ERGIC1: variants seen among roughly 807,000 people sequenced by gnomAD.
The protein encoded by ERGIC1 is endoplasmic reticulum-Golgi intermediate compartment protein 1.
A neutral mutation model predicts 38.3 loss-of-function variants in ERGIC1; 19 were observed. The observed-to-expected ratio is 0.50, with a 90% CI of 0.35 to 0.73. The LOEUF (loss-of-function observed/expected upper bound fraction) is 0.73. Ranked by LOEUF, ERGIC1 falls within the 30% of genes least tolerant of loss-of-function variation. The pLI is 0.01. For missense variants in ERGIC1, 294 were observed against 389.2 expected (o/e 0.76, Z 2.06); for synonymous variants, 124 against 157.6 (o/e 0.79, Z 1.60).
At chr5:172,835,369 C>G (rs1281801644) in intron 1 of ERGIC1, among the ~76,000 whole-genome samples, 4 of 152,222 alleles carry the variant, frequency 2.6e-5, no homozygotes, top group Non-Finnish European at 5.9e-5. Context: ...CCTGTCGCCG[C>G]TCGGCTGGCT....
intron 1 of ERGIC1, among the ~76,000 whole-genome samples, chr5:172,871,426 T>C (rs941953335): frequency 2.6e-5 from 4 of 152,260 alleles, no homozygotes. Context: ...TTGCATGTCA[T>C]GATCTCCTTG....
chr5:172,891,531 C>T (rs556962644), intron 2 of ERGIC1, among the ~76,000 whole-genome samples: 89 of 151,558 alleles, frequency 5.9e-4, no homozygotes, highest in African/African-American at 1.9e-3. Context: ...TTCTGCCTCC[C>T]GGGTTCAAGC....
chr5:172,914,690 G>A lies in ERGIC1; in HGVS notation c.251-24G>A, dbSNP rs1049264905. 7.4e-6 allele frequency: 12 copies of A among 1,613,810 alleles called. No individual in the cohort carries two copies. In the African/African-American group the frequency reaches 1.3e-4, roughly 18 times the overall value. ...CTCCCGCGTCTCTGGGTTTGTGACT[G>A]TTGTCTCCCTTTGGCTCCTGCAGTG... On this transcript the variant is annotated intron_variant, in intron 4 of 9. Coordinates refer to ENST00000393784, the MANE Select transcript of ERGIC1 (RefSeq NM_001031711.3).
intron 3 of ERGIC1, chr5:172,898,719 G>A (rs1415513269): frequency 6.6e-6 from 1 of 152,170 alleles, no homozygotes; most frequent in African/African-American, 2.4e-5. Flanking sequence ...GAGTAGACCA[G>A]AGTCAGAGCT....
At position 172,911,948 on chromosome 5, in the gene ERGIC1, C is replaced by T. The variant is rs147669517; in HGVS notation, c.250+2187C>T. Among the ~76,000 whole-genome samples the T allele has an allele frequency of 5.8e-4, 88 of 152,224 alleles. 1 individual carries two copies. The highest frequency in any genetic ancestry group is 2.0e-3 in the African/African-American group (85 of 41,534). ...CTGCTAGCAGGTGGGGCCCCCGTTC[C>T]CTACCCCTACATGTGTGTGCGTGTC... On this transcript the variant is annotated intron_variant, in intron 4 of 9. Coordinates refer to ENST00000393784, the MANE Select transcript of ERGIC1 (RefSeq NM_001031711.3).
intron 3 of ERGIC1, among the ~76,000 whole-genome samples, chr5:172,908,311 G>GT (rs1368536476): frequency 6.3e-5 from 2 of 31,716 alleles, no homozygotes; most frequent in Admixed American, 5.0e-4. Flanking sequence ...GGGGGCGGGG[G>GT]GGGGGGGAGA....
chr5:172,917,999 A>G (rs2113425457), intron 5 of ERGIC1: 1 of 152,322 alleles, frequency 6.6e-6, no homozygotes, highest in South Asian at 2.1e-4. Flanking sequence ...CCCTGTACCT[A>G]CAAAAAAATA....
chr5:172,906,021 C>T (rs1360106732), intron 3 of ERGIC1: 1 of 455,776 alleles, frequency 2.2e-6, no homozygotes, highest in Non-Finnish European at 4.4e-6. Flanking sequence ...GGAGTGGTCA[C>T]CTTCCCCAGC....
In ERGIC1 at chr5:172,923,007, G is replaced by C. The variant is rs950220486; in HGVS notation, c.376-998G>C. On this transcript the variant is annotated intron_variant, in intron 5 of 9. Transcript: ENST00000393784. The stretch of plus-strand genomic sequence containing the variant: ...GGAGCTAACAGGGTTTCAGCTGATG[G>C]ATGGGACGTCGGGAGTGAGAAAGGG... Among the ~76,000 whole-genome samples, 2 of 152,132 alleles carry C rather than the reference G, an allele frequency of 1.3e-5. 1 individual carries two copies. The highest frequency in any genetic ancestry group is 4.8e-5 in the African/African-American group (2 of 41,436).
In ERGIC1 at chr5:172,895,187, T is replaced by C. The variant is rs547588541; in HGVS notation, c.83-1815T>C. Among the ~76,000 whole-genome samples, 6 of 152,258 alleles carry C rather than the reference T, an allele frequency of 3.9e-5. No homozygotes were observed. The South Asian group carries it at 1.2e-3, about 32-fold the overall frequency. ...CAGATCACCAAACCCTTCCCACATC[T>C]CTCTGATGTAAGTCCTACTCATGAG... On this transcript the variant is annotated intron_variant, in intron 2 of 9. Coordinates refer to ENST00000393784, the MANE Select transcript of ERGIC1 (RefSeq NM_001031711.3).
chr5:172,888,822 C>T (rs1243003650), intron 2 of ERGIC1, 62 bp downstream of exon 2: 7 of 1,405,260 alleles, frequency 5.0e-6, no homozygotes, highest in Non-Finnish European at 7.1e-6. Flanking sequence ...CCTGCTCTCT[C>T]TGTGCAGATC....
intron 1 of ERGIC1, among the ~76,000 whole-genome samples, chr5:172,855,618 G>A (rs1581514558): frequency 2.6e-5 from 4 of 152,336 alleles, no homozygotes; most frequent in African/African-American, 9.6e-5. Flanking sequence ...CGTGGGGTGC[G>A]AGGAGGTCCT....
intron 9 of ERGIC1, among the ~76,000 whole-genome samples, chr5:172,947,196 AAAAAG>A (rs1160666701): frequency 3.2e-4 from 49 of 152,002 alleles, no homozygotes; most frequent in South Asian, 6.2e-4. Context: ...AAAAAAAAAA[AAAAAG>A]AAAGACATGA....
intron 1 of ERGIC1, among the ~76,000 whole-genome samples, chr5:172,887,245 G>A (rs753952454): frequency 2.6e-5 from 4 of 152,162 alleles, no homozygotes; most frequent in South Asian, 2.1e-4. Context: ...GGCTGGAGCC[G>A]CCGGCCTCTC....
chr5:172,948,155 TCCACTCCCTGGG>T (rs1186169871), intron 9 of ERGIC1, among the ~76,000 whole-genome samples: 6 of 152,070 alleles, frequency 3.9e-5, no homozygotes, highest in African/African-American at 9.7e-5. Context: ...CCCAGTCCTC[TCCACTCCCTGGG>T]GGGCCGCTCC....
At chr5:172,843,648 C>T (rs1458687625) in intron 1 of ERGIC1, among the ~76,000 whole-genome samples, 1 of 152,246 alleles carries the variant, frequency 6.6e-6, no homozygotes, top group Non-Finnish European at 1.5e-5. Context: ...CCAACCCTGG[C>T]CACCCTTTCT....
chr5:172,861,779 C>A (rs1761706538), intron 1 of ERGIC1, among the ~76,000 whole-genome samples: 1 of 152,078 alleles, frequency 6.6e-6, no homozygotes, highest in African/African-American at 2.4e-5. Context: ...CTGGTGCTCC[C>A]CAGCTCTAAA....
At position 172,935,222 on chromosome 5, in the gene ERGIC1, T is replaced by A; in HGVS notation, c.677T>A (p.Ile226Asn). ...YVAYSHTGRIIPAIWFRYDLS... is the reference protein window; with the variant it reads ...YVAYSHTGRINPAIWFRYDLS... ...GCCTACAGCCACACGGGCCGCATCA[T>A]CCCTGCAATCTGGTTCCGCTACGAC... Residue 226 changes from isoleucine (I) to asparagine (N), a missense_variant, in exon 9 of 10, where the codon ATC becomes AAC. Physicochemically the swap from Ile to Asn is moderately radical, Grantham distance 149. This residue lies in a region of ERGIC1 where 109 missense variants were observed against 112.7 expected (regional missense o/e 0.97). Transcript: ENST00000393784. The A allele has an allele frequency of 6.2e-7, 1 of 1,614,114 alleles. No homozygotes were observed. Among genetic ancestry groups the A allele is most frequent in the Non-Finnish European group, 8.5e-7 (1 of 1,180,016 alleles).
chr5:172,887,897 T>C (rs150284701), intron 1 of ERGIC1, among the ~76,000 whole-genome samples: 1 of 151,676 alleles, frequency 6.6e-6, no homozygotes, highest in East Asian at 1.9e-4. Flanking sequence ...GCAGCCGGAG[T>C]GGAAACAGGA....
Sources: gnomAD v4.1 joint callset for allele counts (sites outside exome capture counted in the v4.1 genomes callset) on GRCh38, gnomAD v4.1.1 for gene constraint, gnomAD v4.1.1 regional missense constraint, MANE v1.5 for transcripts, NCBI Gene and HGNC (gene_info 2026-07-23, HGNC 2026-07-21) for gene names.